TENM3: variants seen among roughly 807,000 people sequenced by gnomAD.
TENM3 encodes teneurin-3.
In TENM3, 63 loss-of-function variants were observed where a neutral mutation model predicts 255.1. The observed-to-expected ratio is 0.25, with a 90% CI of 0.20 to 0.30. The LOEUF is 0.30. TENM3 is among the 10% of genes least tolerant of loss of function. The pLI is 1.00. For synonymous variants in TENM3, 1,306 were observed against 1,322.3 expected, an observed-to-expected ratio of 0.99 and a Z score of 0.27; for missense variants, 2,929 against 3,461.1, an observed-to-expected ratio of 0.85 and a Z score of 3.86.
the TENM3 span, among the ~76,000 whole-genome samples, chr4:181,711,690 C>T: frequency 3.9e-5 from 6 of 152,174 alleles, no homozygotes; most frequent in Admixed American, 3.9e-4. Flanking sequence ...TCATTAAGCT[C>T]AGCGTTTCCT....
chr4:182,431,936 G>A (rs1771680348), intron 3 of TENM3, among the ~76,000 whole-genome samples: 1 of 151,760 alleles, frequency 6.6e-6, no homozygotes, highest in African/African-American at 2.4e-5. Flanking sequence ...AATTACAGAG[G>A]GTGGTGGCGG....
At chr4:182,501,192 G>T (rs1484121880) in intron 3 of TENM3, among the ~76,000 whole-genome samples, 1 of 152,068 alleles carries the variant, frequency 6.6e-6, no homozygotes, top group Non-Finnish European at 1.5e-5. Flanking sequence ...AATAATACAG[G>T]TATCTTTAGT....
the TENM3 span, among the ~76,000 whole-genome samples, chr4:182,133,932 C>T: frequency 2.6e-5 from 4 of 152,262 alleles, no homozygotes; most frequent in Admixed American, 1.3e-4. Flanking sequence ...ACTTGTTTAA[C>T]ATGCTAATTT....
At chr4:181,671,073 A>C in the TENM3 span, among the ~76,000 whole-genome samples, 14 of 152,294 alleles carry the variant, frequency 9.2e-5, no homozygotes, top group Non-Finnish European at 1.6e-4. Context: ...ATCTACCAAC[A>C]TGGATAGGTA....
the TENM3 span, among the ~76,000 whole-genome samples, chr4:181,641,576 A>G: frequency 4.9e-5 from 4 of 81,584 alleles, no homozygotes; most frequent in South Asian, 4.4e-4. Context: ...ATATATATAT[A>G]TATATATATA....
At chr4:181,679,384 GT>G in the TENM3 span, among the ~76,000 whole-genome samples, 51,523 of 151,874 alleles carry the variant, frequency 0.34, 9,921 homozygotes, top group African/African-American at 0.53. Context: ...TTTGGCTTAA[GT>G]TTTTTTCCTT....
the TENM3 span, among the ~76,000 whole-genome samples, chr4:181,692,674 A>G: frequency 1.3e-5 from 2 of 152,196 alleles, no homozygotes; most frequent in African/African-American, 4.8e-5. Flanking sequence ...ATACTATGAG[A>G]GTAATACCAA....
intron 17 of TENM3, 82 bp from the exon 18 acceptor site, chr4:182,738,319 A>T: frequency 7.6e-7 from 1 of 1,316,734 alleles, no homozygotes; most frequent in Admixed American, 2.3e-5. Flanking sequence ...GATGTGAAAA[A>T]GGCAGTTTTT....
At chr4:181,468,132 C>CCAAAAAAAA in the TENM3 span, among the ~76,000 whole-genome samples, 7,096 of 130,382 alleles carry the variant, frequency 0.054, 557 homozygotes, top group African/African-American at 0.14. Flanking sequence ...CCCATCTGTA[C>CCAAAAAAAA]AAAAAAAAAA....
At chr4:182,264,551 ACTGTC>A (rs1226487380) in intron 1 of TENM3, among the ~76,000 whole-genome samples, 1 of 152,176 alleles carries the variant, frequency 6.6e-6, no homozygotes, top group Non-Finnish European at 1.5e-5. Flanking sequence ...AAAGACAGAG[ACTGTC>A]CTGTGCTGTA....
chr4:182,521,427 G>C (rs997244160), intron 3 of TENM3, among the ~76,000 whole-genome samples: 1 of 151,962 alleles, frequency 6.6e-6, no homozygotes, highest in Non-Finnish European at 1.5e-5. Context: ...CTTTGTTTGT[G>C]CTTTTGGAAC....
chr4:182,078,972 TA>T, the TENM3 span, among the ~76,000 whole-genome samples: 1 of 152,154 alleles, frequency 6.6e-6, no homozygotes, highest in African/African-American at 2.4e-5. Context: ...GAGCTGGTCT[TA>T]ATGAATCTGA....
the TENM3 span, among the ~76,000 whole-genome samples, chr4:181,843,794 A>T: frequency 7.2e-6 from 1 of 139,082 alleles, no homozygotes; most frequent in South Asian, 2.2e-4. Context: ...ATCTTGGCTC[A>T]CTGCAGCTTC....
chr4:181,962,396 C>T, the TENM3 span, among the ~76,000 whole-genome samples: 2 of 152,204 alleles, frequency 1.3e-5, no homozygotes, highest in Non-Finnish European at 2.9e-5. Flanking sequence ...TCTGCCCTCT[C>T]TGTTGCATGC....
At chr4:182,427,958 T>TC (rs1248466072) in intron 3 of TENM3, among the ~76,000 whole-genome samples, 1 of 152,068 alleles carries the variant, frequency 6.6e-6, no homozygotes, top group East Asian at 1.9e-4. Context: ...TTTTTTTTTT[T>TC]TTTGCCAACT....
chr4:181,924,300 C>T, the TENM3 span, among the ~76,000 whole-genome samples: 1 of 152,190 alleles, frequency 6.6e-6, no homozygotes, highest in African/African-American at 2.4e-5. Context: ...TGATGATGCT[C>T]ATGCTGCTGA....
the TENM3 span, among the ~76,000 whole-genome samples, chr4:182,135,077 G>A: frequency 0.013 from 2,009 of 151,642 alleles, 37 homozygotes; most frequent in African/African-American, 0.045. Context: ...GTGGTGATGC[G>A]CGCCTGTAAT....
At chr4:182,300,836 T>G (rs79310452) in intron 1 of TENM3, among the ~76,000 whole-genome samples, 1,705 of 152,316 alleles carry the variant, frequency 0.011, 20 homozygotes, top group Middle Eastern at 0.048. Context: ...AACATGATGA[T>G]GGACTTTCCA....
chr4:181,774,893 G>A, the TENM3 span, among the ~76,000 whole-genome samples: 179 of 135,662 alleles, frequency 1.3e-3, 7 homozygotes, highest in African/African-American at 5.4e-3. Context: ...ATTTGTTTGA[G>A]TTCATTGTAG....
Sources: allele counts gnomAD v4.1 joint callset (sites outside exome capture counted in the v4.1 genomes callset), GRCh38; gene constraint gnomAD v4.1.1; transcripts MANE v1.5; gene names NCBI Gene and HGNC (gene_info 2026-07-23, HGNC 2026-07-21).